Variants in GALNT14 observed in about 807,000 individuals in gnomAD.
GALNT14 encodes UDP-GalNAc:polypeptide N-acetylgalactosaminyltransferase 14.
A neutral mutation model predicts 77.5 loss-of-function variants in GALNT14; 60 were observed. That is an observed-to-expected ratio of 0.77 (90% CI 0.63 to 0.96). The LOEUF is 0.96. GALNT14 is among the 40% of genes least tolerant of loss of function. The pLI, the probability that GALNT14 is intolerant of heterozygous loss-of-function variation, is 0.00. For missense variants in GALNT14, 710 were observed against 731.0 expected (o/e 0.97, Z 0.33); for synonymous variants, 280 against 281.7 (o/e 0.99, Z 0.06).
downstream of GALNT14, among the ~76,000 whole-genome samples, chr2:30,905,669 T>C (rs1454778552): frequency 8.3e-4 from 126 of 151,250 alleles, no homozygotes; most frequent in African/African-American, 3.0e-3. Context: ...TTCCCCAATC[T>C]AGCAAGGCAG....
chr2:30,895,010 T>C, the GALNT14 span, among the ~76,000 whole-genome samples: 1 of 152,198 alleles, frequency 6.6e-6, no homozygotes, highest in African/African-American at 2.4e-5. Context: ...TTCATCAGCT[T>C]CATGACCCCA....
chr2:30,895,234 G>C, the GALNT14 span, among the ~76,000 whole-genome samples: 3 of 152,150 alleles, frequency 2.0e-5, no homozygotes, highest in Admixed American at 6.5e-5. Flanking sequence ...GGCAGTGGGG[G>C]GTCCCATTCT....
At chr2:31,067,110 T>C (rs1176027277) in intron 1 of GALNT14, among the ~76,000 whole-genome samples, 1 of 152,142 alleles carries the variant, frequency 6.6e-6, no homozygotes, top group East Asian at 1.9e-4. Context: ...TGCCCTGCCA[T>C]TACCTCCCGC....
At chr2:31,110,741 C>T (rs1477221076) in intron 1 of GALNT14, among the ~76,000 whole-genome samples, 1 of 152,092 alleles carries the variant, frequency 6.6e-6, no homozygotes, top group African/African-American at 2.4e-5. Flanking sequence ...TGTTCTAAAA[C>T]TGGGGGGAAT....
chr2:30,924,422 G>C, intron 12 of GALNT14, 159 bp from the exon 13 acceptor site: 1 of 750,214 alleles, frequency 1.3e-6, no homozygotes, highest in Non-Finnish European at 2.2e-6. Context: ...TAAGAATGAG[G>C]TGGCAAGGAA....
At chr2:31,090,620 G>A (rs1254534105) in intron 1 of GALNT14, among the ~76,000 whole-genome samples, 1 of 151,476 alleles carries the variant, frequency 6.6e-6, no homozygotes, top group Non-Finnish European at 1.5e-5. Context: ...CTTCCAAGGA[G>A]CTGGGATTAC....
chr2:30,888,013 C>T, the GALNT14 span, among the ~76,000 whole-genome samples: 6 of 152,302 alleles, frequency 3.9e-5, no homozygotes, highest in South Asian at 1.0e-3. Context: ...GTTTCTTTCC[C>T]TGCATGACCT....
intron 13 of GALNT14, among the ~76,000 whole-genome samples, chr2:30,915,775 G>C (rs1664639321): frequency 6.6e-6 from 1 of 152,180 alleles, no homozygotes; most frequent in South Asian, 2.1e-4. Context: ...CCTAACAGCT[G>C]AACAGGCAGG....
rs1673326605 is a variant in GALNT14 at position 31,044,752 on chromosome 2, TACAAAA to T, written c.130-51751_130-51746del. On this transcript the variant is annotated intron_variant, in intron 1 of 14. Coordinates refer to ENST00000349752, the MANE Select transcript of GALNT14 (RefSeq NM_024572.4). ...GGGCAACATGGCGAAATTCCATCTC[TACAAAA>T]ATACAAAAATACAAAAATTAGTGGT... 1.8e-4 allele frequency among the ~76,000 whole-genome samples: 9 copies of T among 50,660 alleles called. No individual in the cohort carries two copies. The South Asian group carries it at 6.4e-3, about 36-fold the overall frequency. 33.2% of individuals were successfully genotyped at this position (50,660 alleles called of 152,430 possible). A position where few individuals can be genotyped will look rare whatever the true frequency, so the allele number is the denominator to read the frequency against.
the GALNT14 span, among the ~76,000 whole-genome samples, chr2:30,894,603 T>G: frequency 6.6e-6 from 1 of 152,226 alleles, no homozygotes; most frequent in Non-Finnish European, 1.5e-5. Flanking sequence ...GCTGAAGGGA[T>G]GAAATCTTCA....
intron 1 of GALNT14, among the ~76,000 whole-genome samples, chr2:31,084,301 T>A (rs1676303907): frequency 6.6e-6 from 1 of 152,166 alleles, no homozygotes; most frequent in South Asian, 2.1e-4. Flanking sequence ...GTTTAGCGTG[T>A]TGGCTGAAGC....
In GALNT14 at chr2:31,002,653, G is replaced by A. The variant is rs72855270; in HGVS notation, c.130-9646C>T. 6.2e-3 allele frequency among the ~76,000 whole-genome samples: 949 copies of A among 152,278 alleles called. 11 individuals carry two copies. Among genetic ancestry groups the A allele is most frequent in the African/African-American group, 0.022 (901 of 41,548 alleles). On this transcript the variant is annotated intron_variant, in intron 1 of 14. Transcript: ENST00000349752. ...TTTTCCAAGGGCCAGCCAAGAGAGG[G>A]AGACGGTGCAACATAATCCCCAGTG...
At chr2:30,949,683 T>C (rs1166664348) in intron 6 of GALNT14, among the ~76,000 whole-genome samples, 2 of 152,240 alleles carry the variant, frequency 1.3e-5, no homozygotes, top group Non-Finnish European at 1.5e-5. Flanking sequence ...TAAAACCACA[T>C]TGTGAATGGG....
At chr2:31,026,121 G>A (rs561899296) in intron 1 of GALNT14, among the ~76,000 whole-genome samples, 5 of 152,132 alleles carry the variant, frequency 3.3e-5, no homozygotes, top group Non-Finnish European at 5.9e-5. Context: ...CAGACATGCC[G>A]AGTCCACCAG....
At chr2:31,052,023 T>C (rs1000635213) in intron 1 of GALNT14, among the ~76,000 whole-genome samples, 1 of 152,100 alleles carries the variant, frequency 6.6e-6, no homozygotes, top group Non-Finnish European at 1.5e-5. Context: ...GTGACCAAAA[T>C]GTGCCACCTG....
chr2:31,033,607 C>T (rs188971808), intron 1 of GALNT14, among the ~76,000 whole-genome samples: 57 of 152,248 alleles, frequency 3.7e-4, no homozygotes, highest in African/African-American at 1.3e-3. Flanking sequence ...CAGGTACTGG[C>T]GACTTGCAAC....
chr2:30,907,742 G>T (rs1370009803), downstream of GALNT14, among the ~76,000 whole-genome samples: 1 of 149,200 alleles, frequency 6.7e-6, no homozygotes, highest in Non-Finnish European at 1.5e-5. Flanking sequence ...CCAAAGCCAG[G>T]CAGAGACACA....
At chr2:31,066,162 A>C (rs1674942793) in intron 1 of GALNT14, among the ~76,000 whole-genome samples, 1 of 151,982 alleles carries the variant, frequency 6.6e-6, no homozygotes. Context: ...TTTCCATCCC[A>C]TGGAGGTTAC....
Position 30,956,803 on chromosome 2 carries a change from G to A in GALNT14, c.467-826C>T, listed in dbSNP as rs115802833. ...ATTACAGGCATGAGCCTCTGTGCCC[G>A]TTCCCCATTTCTCTTTTCTTATAGG... On this transcript the variant is annotated intron_variant, in intron 4 of 14. Coordinates refer to ENST00000349752, the MANE Select transcript of GALNT14 (RefSeq NM_024572.4). 1.8e-3 allele frequency among the ~76,000 whole-genome samples: 273 copies of A among 152,306 alleles called. 1 individual carries two copies. Among genetic ancestry groups the A allele is most frequent in the African/African-American group, 6.2e-3 (259 of 41,558 alleles).
Sources: gnomAD v4.1 joint callset for allele counts (sites outside exome capture counted in the v4.1 genomes callset) on GRCh38, gnomAD v4.1.1 for gene constraint, MANE v1.5 for transcripts, NCBI Gene and HGNC (gene_info 2026-07-23, HGNC 2026-07-21) for gene names.